ANOS1: variants seen among roughly 807,000 people sequenced by gnomAD.
The protein encoded by ANOS1 is anosmin-1.
In ANOS1, 6 loss-of-function variants were observed where a neutral mutation model predicts 59.0. The observed-to-expected ratio is 0.10, with a 90% CI of 0.06 to 0.20. The LOEUF (loss-of-function observed/expected upper bound fraction) is 0.20, where lower values mean the gene tolerates loss of function less well. Among genes scored for constraint, ANOS1 ranks in the 10% least tolerant of loss-of-function variants. The pLI, the probability that ANOS1 is intolerant of heterozygous loss-of-function variation, is 1.00. For synonymous variants in ANOS1, 217 were observed against 223.4 expected, an observed-to-expected ratio of 0.97 and a Z score of 0.25; for missense variants, 433 against 542.3, an observed-to-expected ratio of 0.80 and a Z score of 2.00.
At chrX:8,537,435 TAAATA>T (rs965361920) in intron 10 of ANOS1, among the ~76,000 whole-genome samples, 5 of 112,047 alleles carry the variant, frequency 4.5e-5, no homozygotes, top group African/African-American at 1.6e-4. Flanking sequence ...TGATTAAATA[TAAATA>T]AAAGAAAGAG....
chrX:8,708,218 T>C (rs1932790799), intron 1 of ANOS1, among the ~76,000 whole-genome samples: 1 of 111,574 alleles, frequency 9.0e-6, no homozygotes, highest in Admixed American at 9.5e-5. Context: ...AGCGAGACTA[T>C]GCCTCAAAAC....
In ANOS1 at chrX:8,597,081, G is replaced by A. The variant is rs1404298787; in HGVS notation, c.494C>T (p.Ser165Leu). 4 of 1,211,119 alleles carry A rather than the reference G, an allele frequency of 3.3e-6. No homozygotes were observed. The highest frequency in any genetic ancestry group is 3.5e-5 in the African/African-American group (2 of 57,534). The stretch of plus-strand genomic sequence containing the variant: ...TTGACAGGTGTGTCCACACCCATTC[G>A]AACAACATTTCTTCACCCCAGAGCA... Reference protein sequence around the residue: ...NECSGVKKCCSNGCGHTCQVP... With the variant: ...NECSGVKKCCLNGCGHTCQVP... The change falls in exon 4 of 14, where the codon TCG (serine) becomes TTG (leucine). Residue 165 changes from serine (S) to leucine (L), a missense_variant. Physicochemically the swap from Ser to Leu is moderately radical, Grantham distance 145. Transcript: ENST00000262648.
chrX:8,693,619 A>G (rs1932638508), intron 2 of ANOS1, among the ~76,000 whole-genome samples: 1 of 111,127 alleles, frequency 9.0e-6, no homozygotes, highest in African/African-American at 3.3e-5. Flanking sequence ...CAAAGAGAAA[A>G]AGCAGAAATG....
At chrX:8,628,013 C>G (rs1931424845) in intron 2 of ANOS1, among the ~76,000 whole-genome samples, 1 of 111,136 alleles carries the variant, frequency 9.0e-6, no homozygotes, top group Non-Finnish European at 1.9e-5. Flanking sequence ...GTTGGCAGGA[C>G]TAGTTGCACA....
intron 4 of ANOS1, among the ~76,000 whole-genome samples, chrX:8,589,205 T>C (rs1930573366): frequency 8.9e-6 from 1 of 112,281 alleles, no homozygotes; most frequent in Non-Finnish European, 1.9e-5. Flanking sequence ...AAAGCATATT[T>C]ATATATGGTC....
chrX:8,682,934 A>G (rs963314345), intron 2 of ANOS1, among the ~76,000 whole-genome samples: 3 of 111,707 alleles, frequency 2.7e-5, no homozygotes, highest in Non-Finnish European at 5.6e-5. Context: ...ACCATCATCT[A>G]CTGGAATCCT....
At chrX:8,650,632 C>T (rs1421057689) in intron 2 of ANOS1, among the ~76,000 whole-genome samples, 1 of 111,708 alleles carries the variant, frequency 9.0e-6, no homozygotes. Context: ...GCAGGAGAAT[C>T]TTTTGAGCCC....
chrX:8,654,505 A>C (rs1931899382), intron 2 of ANOS1, among the ~76,000 whole-genome samples: 1 of 112,511 alleles, frequency 8.9e-6, no homozygotes, highest in Admixed American at 9.4e-5. Context: ...TTACAAGCAC[A>C]GATTTTACAA....
At chrX:8,617,676 G>C (rs1276898741) in intron 3 of ANOS1, among the ~76,000 whole-genome samples, 1 of 110,868 alleles carries the variant, frequency 9.0e-6, no homozygotes. Flanking sequence ...AGCTACTTGG[G>C]AGGCTGAGTC....
intron 4 of ANOS1, among the ~76,000 whole-genome samples, chrX:8,593,509 T>C (rs1256645180): frequency 1.8e-5 from 2 of 112,398 alleles, no homozygotes; most frequent in African/African-American, 3.2e-5. Flanking sequence ...GTTCTCCATA[T>C]AGCACACTCT....
intron 2 of ANOS1, among the ~76,000 whole-genome samples, chrX:8,665,209 G>A (rs1932114990): frequency 8.9e-6 from 1 of 112,214 alleles, no homozygotes; most frequent in African/African-American, 3.2e-5. Context: ...AAATAATGGT[G>A]GGAATGGATT....
At chrX:8,554,210 A>C in intron 8 of ANOS1, 112 bp from the exon 9 acceptor site, 1 of 593,305 alleles carries the variant, frequency 1.7e-6, no homozygotes, top group Non-Finnish European at 2.8e-6. Context: ...AGAACAACAC[A>C]GAAGGCGGGT....
rs759833181 is a variant in ANOS1, at chrX:8,554,079, A to G, written c.1227T>C (p.Thr409=). The G allele has an allele frequency of 2.5e-6, 3 of 1,202,346 alleles. No homozygotes were observed. Among genetic ancestry groups the G allele is most frequent in the Non-Finnish European group, 1.1e-6 (1 of 887,176 alleles). ...GTTGTGTTTGAATTCCACCTTTTCTAGTTTTCACAAGCTGTTCTTCTACAA... is the reference window on the plus strand; with the variant it reads ...GTTGTGTTTGAATTCCACCTTTTCTGGTTTTCACAAGCTGTTCTTCTACAA... ...ATNNKEQLVK[T]RKGGIQTQLP... is the part of the protein sequence containing the mutation. Residue 409 remains threonine (T), a synonymous_variant, in exon 9 of 14, where the codon ACT becomes ACC. Coordinates refer to ENST00000262648, the MANE Select transcript of ANOS1 (RefSeq NM_000216.4).
At chrX:8,709,755 C>T (rs181643117) in intron 1 of ANOS1, among the ~76,000 whole-genome samples, 520 of 111,622 alleles carry the variant, frequency 4.7e-3, no homozygotes, top group African/African-American at 0.016. Context: ...ATAAATATAA[C>T]TAAAAATTCA....
intron 2 of ANOS1, among the ~76,000 whole-genome samples, chrX:8,698,645 G>A (rs1336047087): frequency 2.7e-5 from 3 of 111,563 alleles, no homozygotes; most frequent in African/African-American, 9.8e-5. Context: ...ACCGTAACCA[G>A]GCATTTCATT....
At chrX:8,562,766 A>G (rs935624045) in intron 8 of ANOS1, among the ~76,000 whole-genome samples, 1 of 112,160 alleles carries the variant, frequency 8.9e-6, no homozygotes. Context: ...AGACAATGTT[A>G]TATCATACTT....
chrX:8,663,906 G>A (rs747553463), intron 2 of ANOS1, among the ~76,000 whole-genome samples: 12 of 111,676 alleles, frequency 1.1e-4, no homozygotes, highest in Non-Finnish European at 2.1e-4. Context: ...GTCCTTTGCA[G>A]GGACGTGGGT....
Position 8,531,376 on chromosome X carries a change from G to A in ANOS1, c.*1619C>T, listed in dbSNP as rs1929495192. On this transcript the variant is annotated 3_prime_UTR_variant, in exon 14 of 14. Coordinates refer to ENST00000262648, the MANE Select transcript of ANOS1 (RefSeq NM_000216.4). ...TGAGTTATCCACTCTTCCCAGGAATGGCCAGGCATCTGCATGAATTCAGGA... is the reference window on the plus strand; with the variant it reads ...TGAGTTATCCACTCTTCCCAGGAATAGCCAGGCATCTGCATGAATTCAGGA... The A allele has an allele frequency of 9.0e-6, 1 of 111,397 alleles. No homozygotes were observed. The highest frequency in any genetic ancestry group is 1.9e-5 in the Non-Finnish European group (1 of 53,058). 9.2% of individuals were successfully genotyped at this position (111,397 alleles called of 1,213,427 possible).
intron 2 of ANOS1, among the ~76,000 whole-genome samples, chrX:8,695,985 C>T (rs1447688831): frequency 8.9e-6 from 1 of 112,066 alleles, no homozygotes; most frequent in Non-Finnish European, 1.9e-5. Context: ...ATTAATTTCA[C>T]TCACACACAA....
Sources: gnomAD v4.1 joint callset for allele counts (sites outside exome capture counted in the v4.1 genomes callset) on GRCh38, gnomAD v4.1.1 for gene constraint, MANE v1.5 for transcripts, NCBI Gene and HGNC (gene_info 2026-07-23, HGNC 2026-07-21) for gene names.